Variants in CHD2 observed in about 807,000 individuals in gnomAD.
The protein encoded by CHD2 is chromodomain helicase DNA binding protein 2, also known as ATP-dependent chromatin remodeler CHD2.
CHD2 carries 28 observed loss-of-function variants against 243.9 expected under a neutral mutation model. The ratio of observed to expected loss-of-function variants is 0.11; its 90% CI spans 0.09 to 0.16. The LOEUF is 0.16. Among genes scored for constraint, CHD2 ranks in the 10% least tolerant of loss-of-function variants. The pLI is 1.00. For missense variants in CHD2, 1,386 were observed against 2,209.8 expected (o/e 0.63, Z 7.47); for synonymous variants, 775 against 779.0 (o/e 0.99, Z 0.09).
At chr15:92,935,625 C>A (rs2053253520) in intron 5 of CHD2, among the ~76,000 whole-genome samples, 1 of 152,214 alleles carries the variant, frequency 6.6e-6, no homozygotes, top group Non-Finnish European at 1.5e-5. Context: ...TGTAAGCCCC[C>A]TCTGAGGGGT....
chr15:92,908,199 C>CA (rs2052657982), intron 2 of CHD2, among the ~76,000 whole-genome samples: 1 of 151,738 alleles, frequency 6.6e-6, no homozygotes, highest in South Asian at 2.1e-4. Flanking sequence ...TTTCCCCTCT[C>CA]AAGCTGTTAG....
At chr15:92,977,969 C>T (rs575969597) in intron 20 of CHD2, among the ~76,000 whole-genome samples, 213 of 152,112 alleles carry the variant, frequency 1.4e-3, no homozygotes, top group East Asian at 1.9e-4. Context: ...TAGTTGTAGC[C>T]GGGAGGTAGC....
intron 2 of CHD2, among the ~76,000 whole-genome samples, chr15:92,907,938 G>T (rs1350400856): frequency 1.3e-5 from 2 of 150,514 alleles, no homozygotes; most frequent in African/African-American, 4.9e-5. Flanking sequence ...TTGTGAGAAT[G>T]ATTTTAGGAG....
intron 37 of CHD2, among the ~76,000 whole-genome samples, chr15:93,018,305 G>A (rs114767837): frequency 0.013 from 1,898 of 151,148 alleles, 41 homozygotes; most frequent in African/African-American, 0.044. Flanking sequence ...GGTCAGCCAT[G>A]AATTTAAGCC....
At chr15:93,014,930 T>A in intron 37 of CHD2, 21 bp downstream of exon 37, 1 of 1,598,042 alleles carries the variant, frequency 6.3e-7, no homozygotes. Flanking sequence ...AAGTGGAGTT[T>A]TTAAAAGAGG....
At chr15:92,971,309 A>G (rs756743304) in intron 17 of CHD2, among the ~76,000 whole-genome samples, 2 of 152,254 alleles carry the variant, frequency 1.3e-5, no homozygotes, top group Non-Finnish European at 2.9e-5. Context: ...TTTGAGCGTC[A>G]TACTGGCACT....
chr15:92,998,105 T>C lies in CHD2; in HGVS notation c.3886-394T>C. On this transcript the variant is annotated intron_variant, in intron 30 of 38. Coordinates refer to ENST00000394196, the MANE Select transcript of CHD2 (RefSeq NM_001271.4). This position sits in a 1 kb window ranked among gnomAD's most constrained non-coding sequence, Gnocchi z 5.1. The stretch of plus-strand genomic sequence containing the variant: ...GGCGTAGCTCAGTGCTCTCCGGCAA[T>C]GCTCTAAGAAGCATTTTCAATCTAA... The C allele has an allele frequency of 3.5e-6, 3 of 855,498 alleles. No homozygotes were observed. The highest frequency in any genetic ancestry group is 4.3e-6 in the Non-Finnish European group (3 of 705,136). 53.0% of individuals were successfully genotyped at this position (855,498 alleles called of 1,614,324 possible).
chr15:92,975,019 T>C (rs1411605251), intron 20 of CHD2, 69 bp downstream of exon 20: 2 of 1,255,302 alleles, frequency 1.6e-6, no homozygotes, highest in Admixed American at 3.7e-5. Flanking sequence ...CTCTCTCGCT[T>C]AATGTATTCT....
chr15:93,017,969 C>T (rs1270685404), intron 37 of CHD2, among the ~76,000 whole-genome samples: 1 of 152,146 alleles, frequency 6.6e-6, no homozygotes, highest in Non-Finnish European at 1.5e-5. Context: ...TAAATACATT[C>T]TTTTATTTAA....
chr15:92,977,494 A>G lies in CHD2; in HGVS notation c.2578-740A>G, dbSNP rs559284971. On this transcript the variant is annotated intron_variant, in intron 20 of 38. Transcript: ENST00000394196. ...ATGATTAAATTCCCTGAAAATAGAA[A>G]TATTTCACCTTTTCCCCCCGGCTTA... Among the ~76,000 whole-genome samples, 275 of 152,272 alleles carry G rather than the reference A, an allele frequency of 1.8e-3. 1 individual carries two copies. The highest frequency in any genetic ancestry group is 6.2e-3 in the African/African-American group (258 of 41,540).
In CHD2 at chr15:92,945,875, A is replaced by G. The variant is rs1215125713; in HGVS notation, c.1198+10A>G. The G allele has an allele frequency of 6.4e-7, 1 of 1,573,302 alleles. No homozygotes were observed. The highest frequency in any genetic ancestry group is 1.8e-5 in the Admixed American group (1 of 56,008). ...CAAACAGATTTTCCAGGTAAGCAAG[A>G]AATTTTATTTATAAATGTTCTTCAA... On this transcript the variant is annotated intron_variant, in intron 11 of 38. Coordinates refer to ENST00000394196, the MANE Select transcript of CHD2 (RefSeq NM_001271.4).
Position 93,023,101 on chromosome 15 carries a change from G to T in CHD2, c.5154-1271G>T, listed in dbSNP as rs149071678. Among the ~76,000 whole-genome samples the T allele has an allele frequency of 4.9e-4, 74 of 152,162 alleles. 1 individual carries two copies. In the East Asian group the frequency reaches 0.013, roughly 27 times the overall value. ...TGACCTTAGTGCATTTATAATATTG[G>T]GCAGCCACCACTTCTATCTAGTTCC... is the stretch of plus-strand genomic sequence containing the variant. On this transcript the variant is annotated intron_variant, in intron 38 of 38. Coordinates refer to ENST00000394196, the MANE Select transcript of CHD2 (RefSeq NM_001271.4).
At chr15:92,935,377 T>C (rs2053248458) in intron 5 of CHD2, among the ~76,000 whole-genome samples, 1 of 152,178 alleles carries the variant, frequency 6.6e-6, no homozygotes, top group African/African-American at 2.4e-5. Flanking sequence ...GTCCTCCTGG[T>C]TGTTCATAAG....
chr15:92,947,740 T>A (rs1429291167), intron 12 of CHD2, among the ~76,000 whole-genome samples: 1 of 151,856 alleles, frequency 6.6e-6, no homozygotes, highest in Non-Finnish European at 1.5e-5. Context: ...ATGGGGTAGG[T>A]TTGGTAGGAG....
rs1462150689 is a variant in CHD2, at chr15:92,925,792, T to TA, written c.294+1241dup. Among the ~76,000 whole-genome samples, 4 of 152,348 alleles carry TA rather than the reference T, an allele frequency of 2.6e-5. No homozygotes were observed. In the East Asian group the frequency reaches 7.7e-4, roughly 29 times the overall value. ...AACTCCAAGGTGATGCTAAGGCCGTTACAGAATCTGTGGACTTTGGGTTAT... is the reference window on the plus strand; with the variant it reads ...AACTCCAAGGTGATGCTAAGGCCGTTAACAGAATCTGTGGACTTTGGGTTAT... On this transcript the variant is annotated intron_variant, in intron 3 of 38. Transcript: ENST00000394196.
Position 92,971,234 on chromosome 15 carries a change from T to A in CHD2, c.2190-531T>A, listed in dbSNP as rs539095626. Among the ~76,000 whole-genome samples the A allele has an allele frequency of 3.3e-5, 5 of 152,356 alleles. No homozygotes were observed. In the South Asian group the frequency reaches 1.0e-3, roughly 32 times the overall value. On this transcript the variant is annotated intron_variant, in intron 17 of 38. Coordinates refer to ENST00000394196, the MANE Select transcript of CHD2 (RefSeq NM_001271.4). ...TTCAGATTTTGGGATATTTGCTTTATACTTACTAGTTAAGCATTCCAAATC... is the reference window on the plus strand; with the variant it reads ...TTCAGATTTTGGGATATTTGCTTTAAACTTACTAGTTAAGCATTCCAAATC...
intron 24 of CHD2, among the ~76,000 whole-genome samples, chr15:92,983,346 T>C (rs2054003266): frequency 1.3e-5 from 2 of 152,218 alleles, no homozygotes; most frequent in South Asian, 4.1e-4. Context: ...CGATGTCCCT[T>C]TTGGAAAAGT....
chr15:93,008,038 C>T (rs182918366), intron 34 of CHD2, among the ~76,000 whole-genome samples: 1 of 152,190 alleles, frequency 6.6e-6, no homozygotes, highest in East Asian at 1.9e-4. Flanking sequence ...GGCTTGATCT[C>T]CTTTGAAAGT....
chr15:92,902,452 A>T (rs1454621361), intron 2 of CHD2: 1 of 321,616 alleles, frequency 3.1e-6, no homozygotes, highest in Non-Finnish European at 5.6e-6. Flanking sequence ...TTACTTTTCT[A>T]ATTTTTATAA....
Sources: allele counts gnomAD v4.1 joint callset (sites outside exome capture counted in the v4.1 genomes callset), GRCh38; gene constraint gnomAD v4.1.1; non-coding constraint Gnocchi (gnomAD v3.1); transcripts MANE v1.5; gene names NCBI Gene and HGNC (gene_info 2026-07-23, HGNC 2026-07-21).